NCKAP1: variants seen among roughly 807,000 people sequenced by gnomAD.
NCKAP1 encodes the protein nck-associated protein 1.
In NCKAP1, 21 loss-of-function variants were observed where a neutral mutation model predicts 151.2. That is an observed-to-expected ratio of 0.14 (90% CI 0.10 to 0.20). NCKAP1 has a LOEUF of 0.20. NCKAP1 is among the 10% of genes least tolerant of loss of function. The pLI is 1.00. For synonymous variants in NCKAP1, 484 were observed against 451.8 expected (o/e 1.07, Z -0.90); for missense variants, 933 against 1,352.1 (o/e 0.69, Z 4.86).
chr2:182,917,110 T>C lies in NCKAP1; in HGVS notation c.*8592A>G, dbSNP rs1176914981. On this transcript the variant is annotated 3_prime_UTR_variant, in exon 31 of 31. Coordinates refer to ENST00000361354, the MANE Select transcript of NCKAP1 (RefSeq NM_013436.5). ...CTCTTCTTCCCCACCATCTCATCAA[T>C]TTATACGCATGATCTTATTTTAATG... The C allele has an allele frequency of 2.6e-5, 4 of 152,232 alleles. No homozygotes were observed. The highest frequency in any genetic ancestry group is 6.5e-5 in the Admixed American group (1 of 15,280). 9.4% of individuals were successfully genotyped at this position (152,232 alleles called of 1,614,324 possible). A position where few individuals can be genotyped will look rare whatever the true frequency, so the allele number is the denominator to read the frequency against.
rs577017112 is a variant in NCKAP1, at chr2:183,016,067, A to G, written c.219+7739T>C. Among the ~76,000 whole-genome samples, 20 of 152,246 alleles carry G rather than the reference A, an allele frequency of 1.3e-4. No homozygotes were observed. In the South Asian group the frequency reaches 3.7e-3, roughly 28 times the overall value. ...TGGTAACTGAAGTTATAAGGGAATA[A>G]GCATATTTGTTATAGTTCTAGCAGT... On this transcript the variant is annotated intron_variant, in intron 2 of 30. Transcript: ENST00000361354.
intron 15 of NCKAP1, 53 bp downstream of exon 15, chr2:182,976,840 T>A: frequency 8.4e-7 from 1 of 1,191,846 alleles, no homozygotes; most frequent in Non-Finnish European, 1.1e-6. Flanking sequence ...TTATAAAATT[T>A]TTCATGTTAA....
At chr2:182,962,362 T>C in intron 17 of NCKAP1, 84 bp from the exon 18 acceptor site, 1 of 1,340,068 alleles carries the variant, frequency 7.5e-7, no homozygotes. Context: ...ACATGGAAAA[T>C]TAGGCTAAAG....
chr2:183,008,403 C>T (rs1253877245), intron 2 of NCKAP1, among the ~76,000 whole-genome samples: 1 of 152,162 alleles, frequency 6.6e-6, no homozygotes, highest in Non-Finnish European at 1.5e-5. Context: ...CCAACAGTTT[C>T]ACCTCACAAT....
chr2:183,033,223 T>C (rs1409926278), intron 1 of NCKAP1, among the ~76,000 whole-genome samples: 2 of 152,242 alleles, frequency 1.3e-5, no homozygotes, highest in Non-Finnish European at 2.9e-5. Context: ...CTGCATGCCA[T>C]AGCTTTTGTG....
Position 182,983,137 on chromosome 2 carries a change from T to C in NCKAP1, c.1101+149A>G, listed in dbSNP as rs142358433. On this transcript the variant is annotated intron_variant, in intron 11 of 30. Coordinates refer to ENST00000361354, the MANE Select transcript of NCKAP1 (RefSeq NM_013436.5). ...GAAGAATGCAGGGAGGTACGATGTA[T>C]GAATGTCAAGTCAGCAAATTCATTC... 10 of 703,654 alleles carry C rather than the reference T, an allele frequency of 1.4e-5. No homozygotes were observed. The East Asian group carries it at 2.4e-4, about 17-fold the overall frequency. 43.6% of individuals were successfully genotyped at this position (703,654 alleles called of 1,614,324 possible). A position where few individuals can be genotyped will look rare whatever the true frequency, so the allele number is the denominator to read the frequency against.
intron 2 of NCKAP1, among the ~76,000 whole-genome samples, chr2:183,008,484 C>T (rs1476396200): frequency 6.6e-6 from 1 of 151,972 alleles, no homozygotes; most frequent in Non-Finnish European, 1.5e-5. Flanking sequence ...TCTCTAAGAC[C>T]TCATCTTCTT....
At chr2:182,983,893 G>A (rs1256090873) in intron 10 of NCKAP1, among the ~76,000 whole-genome samples, 1 of 151,914 alleles carries the variant, frequency 6.6e-6, no homozygotes, top group Non-Finnish European at 1.5e-5. Context: ...CATTAGCCAG[G>A]TGTGGTGGGT....
chr2:182,981,144 G>C, intron 13 of NCKAP1, 100 bp downstream of exon 13: 23 of 1,385,514 alleles, frequency 1.7e-5, no homozygotes, highest in Non-Finnish European at 2.3e-5. Flanking sequence ...TTATCACTTG[G>C]CACATGATAT....
In NCKAP1 at chr2:182,956,650, A is replaced by T. The variant is rs544479555; in HGVS notation, c.2022-57T>A. 3.4e-5 allele frequency: 51 copies of T among 1,502,618 alleles called. No individual in the cohort carries two copies. In the African/African-American group the frequency reaches 6.1e-4, roughly 18 times the overall value. The allele number at this position is 1,502,618 out of a possible 1,614,324, so 93.1% of individuals were successfully genotyped here. ...CACATGTCATCACAGGCAATACAAA[A>T]TTAATTTTATAAATATATCAACCTT... On this transcript the variant is annotated intron_variant, in intron 19 of 30. Coordinates refer to ENST00000361354, the MANE Select transcript of NCKAP1 (RefSeq NM_013436.5).
intron 24 of NCKAP1, among the ~76,000 whole-genome samples, chr2:182,939,798 G>C (rs938104863): frequency 3.3e-5 from 5 of 152,050 alleles, no homozygotes; most frequent in African/African-American, 1.2e-4. Context: ...TCTCCTAAAT[G>C]AGTCACTCTC....
Position 182,925,501 on chromosome 2 carries a change from T to C in NCKAP1, c.*201A>G, listed in dbSNP as rs967828010. The C allele has an allele frequency of 2.9e-6, 1 of 340,392 alleles. No homozygotes were observed. Among genetic ancestry groups the C allele is most frequent in the Non-Finnish European group, 5.5e-6 (1 of 181,324 alleles). The allele number at this position is 340,392 out of a possible 1,614,324, so 21.1% of individuals were successfully genotyped here. On this transcript the variant is annotated 3_prime_UTR_variant, in exon 31 of 31. Coordinates refer to ENST00000361354, the MANE Select transcript of NCKAP1 (RefSeq NM_013436.5). ...AAATTATAGGAATAATCTCAGTGAA[T>C]TCAGTGAATGTGCAACCTAAATCAA...
chr2:182,938,489 C>T (rs960569557), intron 24 of NCKAP1, among the ~76,000 whole-genome samples: 1 of 151,992 alleles, frequency 6.6e-6, no homozygotes, highest in Non-Finnish European at 1.5e-5. Context: ...TGAGTAGTCA[C>T]CAACAAACTT....
At position 182,963,997 on chromosome 2, in the gene NCKAP1, C is replaced by T. The variant is rs79459086; in HGVS notation, c.1761+679G>A. 3.2e-3 allele frequency among the ~76,000 whole-genome samples: 481 copies of T among 152,194 alleles called. 3 individuals are homozygous for T. The highest frequency in any genetic ancestry group is 0.011 in the African/African-American group (459 of 41,558). On this transcript the variant is annotated intron_variant, in intron 17 of 30. Coordinates refer to ENST00000361354, the MANE Select transcript of NCKAP1 (RefSeq NM_013436.5). ...CTGCTATCTCTAAGTTTCTTTTCTACAAGTTCTGCAATTTTAAGTAAAGGG... is the reference window on the plus strand; with the variant it reads ...CTGCTATCTCTAAGTTTCTTTTCTATAAGTTCTGCAATTTTAAGTAAAGGG...
At chr2:182,937,113 A>T (rs1298904300) in intron 24 of NCKAP1, among the ~76,000 whole-genome samples, 5 of 26,694 alleles carry the variant, frequency 1.9e-4, no homozygotes, top group African/African-American at 6.4e-4. Context: ...AGACTGTCTC[A>T]CAAAAAAAAA....
chr2:182,973,678 G>A (rs557136545), intron 15 of NCKAP1, among the ~76,000 whole-genome samples: 4 of 152,256 alleles, frequency 2.6e-5, no homozygotes, highest in African/African-American at 9.6e-5. Context: ...CTCTGGCCAT[G>A]TGCTTTTACC....
rs1173922401 is a variant in NCKAP1, at chr2:182,922,769, TTGGGAGGCTGAGGTGGG to T, written c.*2916_*2932del. The T allele has an allele frequency of 3.3e-5, 5 of 152,514 alleles. No homozygotes were observed. Among genetic ancestry groups the T allele is most frequent in the African/African-American group, 9.6e-5 (4 of 41,564 alleles). 9.4% of individuals were successfully genotyped at this position (152,514 alleles called of 1,614,324 possible). ...GGCTCATGCCTGTAATCCCAGCACTTTGGGAGGCTGAGGTGGGTGGATCACCTGAGGTCAGGAGTTCG... is the reference window on the plus strand; with the variant it reads ...GGCTCATGCCTGTAATCCCAGCACTTTGGATCACCTGAGGTCAGGAGTTCG... On this transcript the variant is annotated 3_prime_UTR_variant, in exon 31 of 31. Transcript: ENST00000361354.
intron 3 of NCKAP1, 48 bp downstream of exon 3, chr2:183,003,185 T>C (rs756177526): frequency 1.7e-5 from 22 of 1,289,926 alleles, no homozygotes; most frequent in Non-Finnish European, 2.4e-5. Context: ...TTAATAAACA[T>C]TTAAATCTAC....
intron 18 of NCKAP1, among the ~76,000 whole-genome samples, chr2:182,960,741 T>C (rs1697429642): frequency 6.6e-6 from 1 of 152,144 alleles, no homozygotes; most frequent in African/African-American, 2.4e-5. Context: ...TGGGATCTAA[T>C]TAAACTAAAG....
Sources: gnomAD v4.1 joint callset for allele counts (sites outside exome capture counted in the v4.1 genomes callset) on GRCh38, gnomAD v4.1.1 for gene constraint, MANE v1.5 for transcripts, NCBI Gene and HGNC (gene_info 2026-07-23, HGNC 2026-07-21) for gene names.